The following ADCK1 variants were observed in gnomAD, a reference collection of about 807,000 sequenced individuals.
The protein encoded by ADCK1 is aarF domain containing kinase 1.
A neutral mutation model predicts 52.3 loss-of-function variants in ADCK1; 41 were observed. The observed-to-expected ratio is 0.78, with a 90% CI of 0.61 to 1.02. ADCK1 has a LOEUF of 1.02. ADCK1 is among the 50% of genes least tolerant of loss of function. The pLI, the probability that ADCK1 is intolerant of heterozygous loss-of-function variation, is 0.00. For synonymous variants in ADCK1, 250 were observed against 274.6 expected (o/e 0.91, Z 0.89); for missense variants, 658 against 679.5 (o/e 0.97, Z 0.35).
At chr14:77,857,749 T>C (rs2140134314) in intron 3 of ADCK1, among the ~76,000 whole-genome samples, 1 of 152,382 alleles carries the variant, frequency 6.6e-6, no homozygotes, top group African/African-American at 2.4e-5. Context: ...CGCATGATTT[T>C]ATGGCCCCCA....
rs753191750 is a variant in ADCK1, at chr14:77,819,066, G to A, written c.88G>A (p.Asp30Asn). 8.1e-6 allele frequency: 13 copies of A among 1,614,052 alleles called. No homozygotes were observed. The Middle Eastern group carries it at 4.9e-4, about 61-fold the overall frequency. The change falls in exon 2 of 11, where the codon GAC (aspartate) becomes AAC (asparagine). Residue 30 changes from aspartate to asparagine, a missense_variant. Physicochemically the swap from Asp to Asn is conservative, Grantham distance 23. Coordinates refer to ENST00000238561, the MANE Select transcript of ADCK1 (RefSeq NM_020421.4). The part of the protein sequence containing the change: ...GIYFYSNKYL[D>N]PNDFGAVRVG... ...CTACTTCTACAGTAACAAGTACTTGGACCCTAATGACTTTGGCGCTGTCAG... is the reference window on the plus strand; with the variant it reads ...CTACTTCTACAGTAACAAGTACTTGAACCCTAATGACTTTGGCGCTGTCAG...
intron 4 of ADCK1, among the ~76,000 whole-genome samples, chr14:77,885,375 G>C (rs1231594039): frequency 6.6e-6 from 1 of 152,168 alleles, no homozygotes; most frequent in Admixed American, 6.5e-5. Context: ...AGGATGAAGG[G>C]GGCCAGGGAA....
intron 4 of ADCK1, among the ~76,000 whole-genome samples, chr14:77,861,053 G>A (rs2082534113): frequency 6.6e-6 from 1 of 152,136 alleles, no homozygotes; most frequent in African/African-American, 2.4e-5. Context: ...GAATGTTTGG[G>A]GTTGGAAGAC....
chr14:77,878,349 G>A (rs567143181), intron 4 of ADCK1, among the ~76,000 whole-genome samples: 1 of 152,214 alleles, frequency 6.6e-6, no homozygotes, highest in South Asian at 2.1e-4. Context: ...AATTACATAC[G>A]AGCATTTTGA....
intron 3 of ADCK1, among the ~76,000 whole-genome samples, chr14:77,825,321 G>C (rs1343253511): frequency 6.6e-6 from 1 of 152,198 alleles, no homozygotes; most frequent in African/African-American, 2.4e-5. Flanking sequence ...CCCAGACAGA[G>C]CACGAGGTTA....
chr14:77,833,280 C>G (rs553165386), intron 3 of ADCK1, among the ~76,000 whole-genome samples: 1 of 152,188 alleles, frequency 6.6e-6, no homozygotes, highest in Non-Finnish European at 1.5e-5. Context: ...CTCCTTTGCA[C>G]GTGCAGCACC....
chr14:77,824,204 A>C (rs1020872900), intron 3 of ADCK1, among the ~76,000 whole-genome samples: 1 of 151,856 alleles, frequency 6.6e-6, no homozygotes, highest in African/African-American at 2.4e-5. Context: ...GGCTTCATTC[A>C]CTTAATTTTT....
In ADCK1 at chr14:77,808,363, A is replaced by AAGTCCT. The variant is rs940068110; in HGVS notation, c.-12+8196_-12+8197insCCTAGT. 1.4e-4 allele frequency among the ~76,000 whole-genome samples: 21 copies of AAGTCCT among 152,014 alleles called. 1 individual carries two copies. The highest frequency in any genetic ancestry group is 2.6e-4 in the Non-Finnish European group (18 of 68,008). ...GGTGTGCAGGTTGATGGGGTGATTA[A>AAGTCCT]AGTAGGCTGTAGGTAGCTGTCCCAT... On this transcript the variant is annotated intron_variant, in intron 1 of 10. Coordinates refer to ENST00000238561, the MANE Select transcript of ADCK1 (RefSeq NM_020421.4).
chr14:77,839,323 C>T (rs990058953), intron 3 of ADCK1, among the ~76,000 whole-genome samples: 10 of 152,118 alleles, frequency 6.6e-5, no homozygotes, highest in African/African-American at 1.7e-4. Flanking sequence ...TCTGGCTGGG[C>T]GTGGGAAAGC....
chr14:77,919,334 AC>A (rs1303122479), intron 7 of ADCK1, among the ~76,000 whole-genome samples: 34 of 152,228 alleles, frequency 2.2e-4, no homozygotes, highest in Non-Finnish European at 2.9e-5. Flanking sequence ...GTGGAAACAT[AC>A]GATACTTGTT....
chr14:77,890,607 T>A (rs2083263377), intron 5 of ADCK1, among the ~76,000 whole-genome samples: 1 of 152,200 alleles, frequency 6.6e-6, no homozygotes, highest in Admixed American at 6.5e-5. Flanking sequence ...GCAGCCGTTT[T>A]GGAAAACATA....
At chr14:77,872,875 C>A (rs1018530799) in intron 4 of ADCK1, among the ~76,000 whole-genome samples, 4 of 152,116 alleles carry the variant, frequency 2.6e-5, no homozygotes, top group African/African-American at 9.7e-5. Context: ...GGGATTTTGT[C>A]ATATTGGCCA....
At chr14:77,916,303 G>C (rs530580687) in intron 7 of ADCK1, among the ~76,000 whole-genome samples, 1 of 151,870 alleles carries the variant, frequency 6.6e-6, no homozygotes, top group Admixed American at 6.5e-5. Context: ...GAGGCTCTCT[G>C]GCCAGAGAGA....
chr14:77,933,161 A>C, intron 10 of ADCK1, 59 bp from the exon 11 acceptor site: 3 of 1,566,838 alleles, frequency 1.9e-6, no homozygotes, highest in Non-Finnish European at 2.6e-6. Flanking sequence ...TAAATGATAC[A>C]GAGCTAGTGT....
At chr14:77,836,278 A>G (rs531141972) in intron 3 of ADCK1, among the ~76,000 whole-genome samples, 2 of 152,200 alleles carry the variant, frequency 1.3e-5, no homozygotes, top group Non-Finnish European at 2.9e-5. Flanking sequence ...ACTATTTAAA[A>G]CAATGTTTTG....
chr14:77,882,528 A>G (rs912894266), intron 4 of ADCK1, among the ~76,000 whole-genome samples: 8 of 152,240 alleles, frequency 5.3e-5, no homozygotes, highest in Admixed American at 2.0e-4. Context: ...GCAGGCTGCA[A>G]TATTTGAAAG....
intron 4 of ADCK1, among the ~76,000 whole-genome samples, chr14:77,880,674 G>T (rs1026533447): frequency 3.3e-5 from 5 of 152,164 alleles, no homozygotes; most frequent in African/African-American, 1.2e-4. Context: ...GGTCACATCA[G>T]AGGTCTCCTC....
intron 3 of ADCK1, among the ~76,000 whole-genome samples, chr14:77,823,231 G>A (rs2081618935): frequency 6.6e-6 from 1 of 152,068 alleles, no homozygotes; most frequent in African/African-American, 2.4e-5. Flanking sequence ...GATACCTTTG[G>A]CTCCTCCAGA....
rs1182661371 is a variant in ADCK1, at chr14:77,850,238, T to G, written c.220-8838T>G. ...CAAACAGAAAGAATATGGTCTCTCT[T>G]GGCAAATGTTCCTCTTATACTTGAA... On this transcript the variant is annotated intron_variant, in intron 3 of 10. Transcript: ENST00000238561. Among the ~76,000 whole-genome samples, 5 of 152,336 alleles carry G rather than the reference T, an allele frequency of 3.3e-5. No homozygotes were observed. In the East Asian group the frequency reaches 9.6e-4, roughly 29 times the overall value.
Sources: gnomAD v4.1 joint callset for allele counts (sites outside exome capture counted in the v4.1 genomes callset) on GRCh38, gnomAD v4.1.1 for gene constraint, MANE v1.5 for transcripts, NCBI Gene and HGNC (gene_info 2026-07-23, HGNC 2026-07-21) for gene names.